The following BCL11A variants were observed in gnomAD, a reference collection of about 807,000 sequenced individuals.
BCL11A encodes the protein B cell CLL/lymphoma 11A.
BCL11A carries 2 observed loss-of-function variants against 55.9 expected under a neutral mutation model. That is an observed-to-expected ratio of 0.04 (90% CI 0.01 to 0.11). The LOEUF is 0.11. Ranked by LOEUF, BCL11A falls within the 10% of genes least tolerant of loss-of-function variation. BCL11A has a pLI of 1.00. For synonymous variants in BCL11A, 465 were observed against 473.4 expected (o/e 0.98, Z 0.23); for missense variants, 817 against 1,137.1 (o/e 0.72, Z 4.05).
Position 60,457,821 on chromosome 2 carries a change from C to A in BCL11A, c.*2583G>T. 5 of 1,048,154 alleles carry A rather than the reference C, an allele frequency of 4.8e-6. No homozygotes were observed. Among genetic ancestry groups the A allele is most frequent in the Non-Finnish European group, 5.8e-6 (5 of 868,484 alleles). The allele number at this position is 1,048,154 out of a possible 1,614,324, so 64.9% of individuals were successfully genotyped here. On this transcript the variant is annotated 3_prime_UTR_variant, in exon 4 of 4. Transcript: ENST00000642384. ...GCTTGCAGTACTGCATACAGTATGGCAGCAGGAAAAAGGAACAAAAAAGGA... is the reference window on the plus strand; with the variant it reads ...GCTTGCAGTACTGCATACAGTATGGAAGCAGGAAAAAGGAACAAAAAAGGA...
At chr2:60,473,776 G>A (rs962961910) in intron 2 of BCL11A, among the ~76,000 whole-genome samples, 2 of 152,174 alleles carry the variant, frequency 1.3e-5, no homozygotes, top group Non-Finnish European at 2.9e-5. Context: ...AATCTGTAAT[G>A]AAAATGTGCC....
At chr2:60,470,650 T>G (rs1225819742) in intron 2 of BCL11A, among the ~76,000 whole-genome samples, 2 of 152,166 alleles carry the variant, frequency 1.3e-5, no homozygotes, top group Non-Finnish European at 2.9e-5. Flanking sequence ...ACCTAATCCA[T>G]GCCTAGCCCC....
Position 60,461,557 on chromosome 2 carries a change from G to A in BCL11A, c.1355C>T (p.Thr452Ile). The change falls in exon 4 of 4, where the codon ACC becomes ATC. Residue 452 changes from threonine (T) to isoleucine (I), a missense_variant. By Grantham distance (89) the Thr-to-Ile change is moderately conservative (BLOSUM62 -1). This residue lies in a region of BCL11A where 379 missense variants were observed against 425.3 expected (regional missense o/e 0.89). Transcript: ENST00000642384. ...LSTASSPEPG[T>I]SDLVGSASSA... ...GCTGGCGCTGCCCACCAAGTCGCTG[G>A]TGCCGGGTTCCGGGGAGCTGGCGGT... 1.2e-6 allele frequency: 2 copies of A among 1,611,528 alleles called. No individual in the cohort carries two copies. The highest frequency in any genetic ancestry group is 8.5e-7 in the Non-Finnish European group (1 of 1,180,028).
Position 60,457,797 on chromosome 2 carries a change from C to T in BCL11A, c.*2607G>A. ...CTACATAACAAACCAACGTTATTAG[C>T]TTGCAGTACTGCATACAGTATGGCA... On this transcript the variant is annotated 3_prime_UTR_variant, in exon 4 of 4. Coordinates refer to ENST00000642384, the MANE Select transcript of BCL11A (RefSeq NM_022893.4). 1 of 1,043,920 alleles carries T rather than the reference C, an allele frequency of 9.6e-7. No individual in the cohort carries two copies. The highest frequency in any genetic ancestry group is 1.2e-6 in the Non-Finnish European group (1 of 865,886). 64.7% of individuals were successfully genotyped at this position (1,043,920 alleles called of 1,614,324 possible).
rs561020137 is a variant in BCL11A at position 60,458,912 on chromosome 2, C to T, written c.*1492G>A. 9.7e-7 allele frequency: 1 copy of T among 1,033,712 alleles called. No homozygotes were observed. The highest frequency in any genetic ancestry group is 1.2e-6 in the Non-Finnish European group (1 of 858,710). 64.0% of individuals were successfully genotyped at this position (1,033,712 alleles called of 1,614,324 possible). ...CAATGAATCCTCTTCCATGTTAACA[C>T]AAATAGCACACAGTGTATGGAAAAG... On this transcript the variant is annotated 3_prime_UTR_variant, in exon 4 of 4. Transcript: ENST00000642384.
intron 2 of BCL11A, among the ~76,000 whole-genome samples, chr2:60,539,694 G>A (rs1428822905): frequency 6.6e-6 from 1 of 152,140 alleles, no homozygotes; most frequent in Non-Finnish European, 1.5e-5. Flanking sequence ...TCTGCCTTTG[G>A]TCTCTAGGAG....
At chr2:60,471,412 A>G (rs1465447954) in intron 2 of BCL11A, among the ~76,000 whole-genome samples, 1 of 152,246 alleles carries the variant, frequency 6.6e-6, no homozygotes, top group Admixed American at 6.5e-5. Flanking sequence ...TTCTTCCACT[A>G]AACACATCCA....
rs1676213395 is a variant in BCL11A, at chr2:60,460,843, T to C, written c.2069A>G (p.His690Arg). ...RQSPFASSSE[H>R]SSENGSLRFS... is the part of the protein sequence containing the mutation. ...GCGCAAACTCCCGTTCTCCGAGGAG[T>C]GCTCCGACGAGGAGGCAAAAGGCGA... is the stretch of plus-strand genomic sequence containing the variant. The change falls in exon 4 of 4, where the codon CAC becomes CGC. Residue 690 changes from histidine (H) to arginine (R), a missense_variant. His to Arg is a conservative substitution (Grantham distance 29, BLOSUM62 0). Coordinates refer to ENST00000642384, the MANE Select transcript of BCL11A (RefSeq NM_022893.4). 1 of 1,612,324 alleles carries C rather than the reference T, an allele frequency of 6.2e-7. No individual in the cohort carries two copies. Among genetic ancestry groups the C allele is most frequent in the Non-Finnish European group, 8.5e-7 (1 of 1,179,876 alleles).
intron 2 of BCL11A, among the ~76,000 whole-genome samples, chr2:60,492,728 G>A (rs555381660): frequency 4.1e-4 from 62 of 152,148 alleles, no homozygotes; most frequent in African/African-American, 1.3e-3. Flanking sequence ...CCTGAAAGAC[G>A]GCTAGAGTCT....
intron 3 of BCL11A, among the ~76,000 whole-genome samples, chr2:60,467,171 GTGGTGGTGGTGGTGGTGA>G (rs1676707367): frequency 8.5e-6 from 1 of 117,972 alleles, no homozygotes; most frequent in African/African-American, 3.2e-5. Flanking sequence ...GGTGGTGATG[GTGGTGGTGGTGGTGGTGA>G]TGGTGGTGGT....
intron 2 of BCL11A, among the ~76,000 whole-genome samples, chr2:60,530,697 G>T (rs1215152859): frequency 6.9e-6 from 1 of 145,522 alleles, no homozygotes; most frequent in African/African-American, 2.5e-5. Flanking sequence ...AAAGAAAAAG[G>T]AAAAAAAAAA....
chr2:60,469,150 G>A lies in BCL11A; in HGVS notation c.386-317C>T, dbSNP rs79054649. On this transcript the variant is annotated intron_variant, in intron 2 of 3. Coordinates refer to ENST00000642384, the MANE Select transcript of BCL11A (RefSeq NM_022893.4). ...TGTCTTGTGGAAAGAAGATGTGTAA[G>A]CAGCAAGGGGAAAACTGGTAATATT... Among the ~76,000 whole-genome samples the A allele has an allele frequency of 5.6e-3, 855 of 152,320 alleles. 7 individuals carry two copies. The highest frequency in any genetic ancestry group is 0.02 in the African/African-American group (821 of 41,574).
intron 2 of BCL11A, among the ~76,000 whole-genome samples, chr2:60,521,358 C>CGGGCCT (rs929686167): frequency 2.6e-5 from 4 of 152,316 alleles, no homozygotes; most frequent in South Asian, 4.2e-4. Context: ...CAGAGGGACC[C>CGGGCCT]GGGCCTGGGC....
Position 60,461,284 on chromosome 2 carries a change from A to G in BCL11A, c.1628T>C (p.Leu543Pro). 6.5e-7 allele frequency: 1 copy of G among 1,535,004 alleles called. No homozygotes were observed. The highest frequency in any genetic ancestry group is 8.8e-7 in the Non-Finnish European group (1 of 1,137,388). ...CACCATGCCCTGCATGACGTCGGGC[A>G]GGGCGCGGCTCTCGTCGCCCACGCC... is the stretch of plus-strand genomic sequence containing the variant. ...VVGVGDESRA[L>P]PDVMQGMVLS... The change falls in exon 4 of 4, where the codon CTG becomes CCG. Residue 543 changes from leucine (L) to proline (P), a missense_variant. Transcript: ENST00000642384.
intron 2 of BCL11A, among the ~76,000 whole-genome samples, chr2:60,479,509 T>C (rs1677826124): frequency 6.6e-6 from 1 of 152,082 alleles, no homozygotes; most frequent in African/African-American, 2.4e-5. Context: ...CAGGCTGAAA[T>C]CCTTTTGCTT....
At chr2:60,451,672 G>T (rs1675727667) in exon 5 of BCL11A, 1 of 230,036 alleles carries the variant, frequency 4.3e-6, no homozygotes, top group Non-Finnish European at 8.6e-6. Context: ...CCTAAAATTA[G>T]AATATTTAAT....
chr2:60,536,339 A>G (rs1669668541), intron 2 of BCL11A: 1 of 152,056 alleles, frequency 6.6e-6, no homozygotes, highest in Non-Finnish European at 1.5e-5. Flanking sequence ...CTCAGGTACT[A>G]CCCCCTGATT....
chr2:60,463,444 G>C (rs140259259), intron 3 of BCL11A, among the ~76,000 whole-genome samples: 19 of 152,310 alleles, frequency 1.2e-4, no homozygotes, highest in Non-Finnish European at 2.1e-4. Flanking sequence ...CTGCGCCCTC[G>C]GCTGGGACTC....
chr2:60,462,468 G>T (rs1014822263), intron 3 of BCL11A, 44 bp from the exon 4 acceptor site: 8 of 1,554,154 alleles, frequency 5.1e-6, no homozygotes, highest in Non-Finnish European at 6.1e-6. Flanking sequence ...AATCACTGAG[G>T]CGGGCATCAG....
Sources: allele counts gnomAD v4.1 joint callset (sites outside exome capture counted in the v4.1 genomes callset), GRCh38; gene constraint gnomAD v4.1.1; regional missense constraint gnomAD v4.1.1; transcripts MANE v1.5; gene names NCBI Gene and HGNC (gene_info 2026-07-23, HGNC 2026-07-21).